PCDH11X: variants seen among roughly 807,000 people sequenced by gnomAD.
PCDH11X encodes protocadherin-11 X-linked.
In PCDH11X, 18 loss-of-function variants were observed where a neutral mutation model predicts 53.3. The observed-to-expected ratio is 0.34, with a 90% CI of 0.23 to 0.50. PCDH11X has a LOEUF of 0.50. Ranked by LOEUF, PCDH11X falls within the 20% of genes least tolerant of loss-of-function variation. The probability of loss-of-function intolerance (pLI) is 0.98; values close to 1 mark genes in which losing one functional copy is unlikely to be tolerated. For missense variants in PCDH11X, 570 were observed against 1,032.4 expected (o/e 0.55, Z 6.14); for synonymous variants, 279 against 393.3 (o/e 0.71, Z 3.44).
chrX:92,074,959 C>T (rs751822677), intron 6 of PCDH11X, among the ~76,000 whole-genome samples: 82 of 110,810 alleles, frequency 7.4e-4, no homozygotes, highest in African/African-American at 2.4e-3. Context: ...GAGAATTTAC[C>T]GACAATAGCA....
chrX:91,875,018 TAAA>T (rs769593209), intron 5 of PCDH11X, among the ~76,000 whole-genome samples: 49 of 108,952 alleles, frequency 4.5e-4, no homozygotes, highest in African/African-American at 1.6e-3. Flanking sequence ...AGTAGAGAAT[TAAA>T]AATTATTTAG....
intron 10 of PCDH11X, among the ~76,000 whole-genome samples, chrX:92,576,810 T>G (rs1217138231): frequency 9.1e-6 from 1 of 110,001 alleles, no homozygotes; most frequent in Non-Finnish European, 1.9e-5. Flanking sequence ...TTTTTATTGC[T>G]TCATCATTTA....
rs774996111 is a variant in PCDH11X at position 92,481,819 on chromosome X, G to T, written c.3367+13497G>T. On this transcript the variant is annotated intron_variant, in intron 10 of 10. Coordinates refer to ENST00000682573, the MANE Select transcript of PCDH11X (RefSeq NM_032968.5). ...TCTCTAAGCAGCTCTCTCTGCCAAC[G>T]CAAGTGTCTGTGGTAGTCAAGTGGT... Among the ~76,000 whole-genome samples, 34 of 107,577 alleles carry T rather than the reference G, an allele frequency of 3.2e-4. No homozygotes were observed. In the East Asian group the frequency reaches 9.6e-3, roughly 31 times the overall value. The allele number at this position is 107,577 out of a possible 115,157, so 93.4% of individuals were successfully genotyped here. A position where few individuals can be genotyped will look rare whatever the true frequency, so the allele number is the denominator to read the frequency against.
intron 7 of PCDH11X, among the ~76,000 whole-genome samples, chrX:92,218,791 A>G (rs1203338381): frequency 8.9e-6 from 1 of 111,844 alleles, no homozygotes; most frequent in African/African-American, 3.3e-5. Flanking sequence ...TGATGCAAAA[A>G]TCTCAATAAA....
intron 7 of PCDH11X, among the ~76,000 whole-genome samples, chrX:92,221,983 G>A (rs1029344642): frequency 2.7e-5 from 3 of 110,697 alleles, no homozygotes; most frequent in Non-Finnish European, 5.7e-5. Context: ...ACAGGTGCAC[G>A]CCACCATACT....
intron 6 of PCDH11X, among the ~76,000 whole-genome samples, chrX:92,048,250 A>C (rs929549339): frequency 2.8e-5 from 3 of 108,400 alleles, no homozygotes; most frequent in African/African-American, 1.0e-4. Flanking sequence ...AAAAAAAAAA[A>C]AAAAACCGAC....
At chrX:91,995,898 G>T (rs2062409932) in intron 6 of PCDH11X, among the ~76,000 whole-genome samples, 1 of 101,423 alleles carries the variant, frequency 9.9e-6, no homozygotes, top group African/African-American at 3.7e-5. Context: ...CATCCAGGCT[G>T]GAGTGCAGTG....
At chrX:92,122,649 T>A in intron 6 of PCDH11X, among the ~76,000 whole-genome samples, 1 of 111,892 alleles carries the variant, frequency 8.9e-6, no homozygotes, top group East Asian at 2.8e-4. Context: ...AATCGTAATC[T>A]GGGCCAGGAG....
intron 6 of PCDH11X, among the ~76,000 whole-genome samples, chrX:91,982,226 A>G (rs2062150903): frequency 9.2e-6 from 1 of 109,264 alleles, no homozygotes; most frequent in Non-Finnish European, 1.9e-5. Flanking sequence ...TCTGTCTAAA[A>G]GAGTCCCATT....
chrX:91,811,179 T>C (rs758122733), intron 3 of PCDH11X, 58 bp from the exon 4 acceptor site: 3 of 1,049,737 alleles, frequency 2.9e-6, no homozygotes, highest in Non-Finnish European at 3.9e-6. Context: ...CTGATTACAA[T>C]GTACTGGAGG....
At chrX:92,588,272 C>T (rs1438620545) in intron 10 of PCDH11X, among the ~76,000 whole-genome samples, 2 of 94,404 alleles carry the variant, frequency 2.1e-5, no homozygotes, top group African/African-American at 3.9e-5. Flanking sequence ...TCATTCACAT[C>T]GAAATCCTGA....
chrX:91,841,092 C>T (rs1937509162), intron 5 of PCDH11X, among the ~76,000 whole-genome samples: 1 of 110,075 alleles, frequency 9.1e-6, no homozygotes, highest in Admixed American at 9.8e-5. Context: ...TTTCTGAAAG[C>T]TGGGGTTATT....
intron 10 of PCDH11X, among the ~76,000 whole-genome samples, chrX:92,589,893 C>T (rs1301814181): frequency 1.8e-5 from 2 of 111,597 alleles, no homozygotes; most frequent in East Asian, 2.8e-4. Context: ...GGAGAGGAGC[C>T]GAGTCCTGCT....
chrX:92,439,761 C>T (rs1225591282), intron 9 of PCDH11X, among the ~76,000 whole-genome samples: 1 of 105,914 alleles, frequency 9.4e-6, no homozygotes, highest in Non-Finnish European at 1.9e-5. Flanking sequence ...TCCTACTATC[C>T]CTTCTTCTGC....
chrX:92,372,682 A>C (rs941940039), intron 8 of PCDH11X, among the ~76,000 whole-genome samples: 1 of 109,168 alleles, frequency 9.2e-6, no homozygotes, highest in Non-Finnish European at 1.9e-5. Flanking sequence ...AATGTATTTT[A>C]AATGAGGTAG....
At chrX:92,209,558 A>G (rs758634518) in intron 7 of PCDH11X, among the ~76,000 whole-genome samples, 1 of 112,404 alleles carries the variant, frequency 8.9e-6, no homozygotes, top group African/African-American at 3.2e-5. Flanking sequence ...GCAGCTTTGC[A>G]GCGTACAGCC....
chrX:92,262,203 C>T (rs5942190), intron 7 of PCDH11X, among the ~76,000 whole-genome samples: 2,975 of 110,820 alleles, frequency 0.027, 45 homozygotes, highest in Non-Finnish European at 0.04. Flanking sequence ...AGTATTTACC[C>T]TTATTTCAGA....
At chrX:91,819,172 G>T (rs1936549485) in intron 4 of PCDH11X, among the ~76,000 whole-genome samples, 1 of 109,250 alleles carries the variant, frequency 9.2e-6, no homozygotes, top group South Asian at 4.0e-4. Context: ...TTCTTTACTT[G>T]TGGTGAGAAG....
At chrX:91,871,099 TC>T (rs1465141862) in intron 5 of PCDH11X, among the ~76,000 whole-genome samples, 1 of 109,657 alleles carries the variant, frequency 9.1e-6, no homozygotes, top group Admixed American at 9.7e-5. Context: ...CAGTTGCTTT[TC>T]CCCCTAATAG....
Sources: allele counts gnomAD v4.1 joint callset (sites outside exome capture counted in the v4.1 genomes callset), GRCh38; gene constraint gnomAD v4.1.1; transcripts MANE v1.5; gene names NCBI Gene and HGNC (gene_info 2026-07-23, HGNC 2026-07-21).